Variants in IPO11 observed in about 807,000 individuals in gnomAD.
IPO11 encodes importin 11.
Under a neutral mutation model 143.2 loss-of-function variants are expected in IPO11, and 66 were observed. The observed-to-expected ratio is 0.46, with a 90% confidence interval of 0.38 to 0.57. IPO11 has a LOEUF of 0.57. Ranked by LOEUF, IPO11 falls within the 20% of genes least tolerant of loss-of-function variation. IPO11 has a pLI of 0.00. For synonymous variants in IPO11, 385 were observed against 377.8 expected (o/e 1.02, Z -0.22); for missense variants, 1,026 against 1,141.0 (o/e 0.90, Z 1.45).
chr5:62,456,603 C>T (rs766529598), intron 5 of IPO11, among the ~76,000 whole-genome samples: 7 of 152,296 alleles, frequency 4.6e-5, no homozygotes, highest in South Asian at 4.1e-4. Flanking sequence ...ACCACAGGCA[C>T]GTACGACGAT....
At chr5:62,602,668 G>A (rs916091654) in intron 29 of IPO11, among the ~76,000 whole-genome samples, 1 of 152,144 alleles carries the variant, frequency 6.6e-6, no homozygotes, top group Admixed American at 6.5e-5. Flanking sequence ...TAGCTCTCAA[G>A]GGCCTAATCC....
intron 11 of IPO11, among the ~76,000 whole-genome samples, chr5:62,485,035 GGA>G (rs1162379863): frequency 6.6e-6 from 1 of 151,904 alleles, no homozygotes. Flanking sequence ...AGAAATTTAT[GGA>G]GAGTGTGAGT....
chr5:62,449,194 C>G (rs914293320), intron 3 of IPO11, among the ~76,000 whole-genome samples: 2 of 152,150 alleles, frequency 1.3e-5, no homozygotes, highest in African/African-American at 2.4e-5. Flanking sequence ...GCCACTGTGC[C>G]TGGCCTTAAT....
rs116006853 is a variant in IPO11, at chr5:62,615,347, G to A, written c.2764-11807G>A. Among the ~76,000 whole-genome samples the A allele has an allele frequency of 4.4e-3, 667 of 152,286 alleles. 7 individuals carry two copies. The highest frequency in any genetic ancestry group is 0.015 in the African/African-American group (643 of 41,540). On this transcript the variant is annotated intron_variant, in intron 29 of 29. Transcript: ENST00000325324. ...GAAACCCTGAATTTAAGCCACCCAT[G>A]TTTTGTTGGTTTAGTTTTGAGTTTA...
At chr5:62,554,719 G>A (rs1338904105) in intron 26 of IPO11, among the ~76,000 whole-genome samples, 1 of 151,168 alleles carries the variant, frequency 6.6e-6, no homozygotes, top group African/African-American at 2.4e-5. Context: ...ACTTTTTTGG[G>A]GGGGTGGGGG....
chr5:62,448,595 G>A (rs187123359), intron 3 of IPO11, among the ~76,000 whole-genome samples: 119 of 152,268 alleles, frequency 7.8e-4, no homozygotes, highest in Non-Finnish European at 4.3e-4. Context: ...CCGTTGCCCA[G>A]GCTGGAATGC....
intron 22 of IPO11, among the ~76,000 whole-genome samples, chr5:62,535,084 G>T (rs1047266215): frequency 6.7e-6 from 1 of 150,040 alleles, no homozygotes; most frequent in Non-Finnish European, 1.5e-5. Context: ...AGAAAATTTT[G>T]TCAGTGCCAT....
intron 29 of IPO11, among the ~76,000 whole-genome samples, chr5:62,615,211 G>A (rs1370930226): frequency 6.6e-6 from 1 of 152,140 alleles, no homozygotes; most frequent in Non-Finnish European, 1.5e-5. Flanking sequence ...TGAGGCCTTT[G>A]CCAGGGAACT....
intron 5 of IPO11, 127 bp downstream of exon 5, chr5:62,452,060 A>G (rs571117703): frequency 1.7e-5 from 12 of 688,100 alleles, no homozygotes; most frequent in Non-Finnish European, 3.0e-5. Context: ...CCTGGCCAAT[A>G]TGGTGAAACC....
chr5:62,488,106 A>T (rs931716760), intron 13 of IPO11, among the ~76,000 whole-genome samples: 5 of 152,218 alleles, frequency 3.3e-5, no homozygotes, highest in African/African-American at 1.2e-4. Context: ...GCAAAACAGT[A>T]GTCATACTGC....
chr5:62,546,499 A>G (rs527541719), intron 24 of IPO11, among the ~76,000 whole-genome samples: 1 of 152,262 alleles, frequency 6.6e-6, no homozygotes, highest in East Asian at 1.9e-4. Context: ...CCTAATGTAA[A>G]TGACGAGCTA....
At chr5:62,472,386 C>A (rs1459919010) in intron 7 of IPO11, among the ~76,000 whole-genome samples, 1 of 151,994 alleles carries the variant, frequency 6.6e-6, no homozygotes, top group African/African-American at 2.4e-5. Context: ...CTTTGGCTTT[C>A]CCTTGAGAGT....
intron 27 of IPO11, among the ~76,000 whole-genome samples, chr5:62,583,114 A>G (rs933204742): frequency 6.6e-6 from 1 of 152,164 alleles, no homozygotes; most frequent in Non-Finnish European, 1.5e-5. Flanking sequence ...TTGTTTTGTT[A>G]TGGAAGAGCA....
chr5:62,443,593 T>A (rs2112145975), intron 3 of IPO11, among the ~76,000 whole-genome samples: 1 of 149,316 alleles, frequency 6.7e-6, no homozygotes, highest in South Asian at 2.1e-4. Flanking sequence ...AGAGACCCCA[T>A]CTCAAGAAAA....
chr5:62,523,912 T>A (rs531006600), intron 20 of IPO11, among the ~76,000 whole-genome samples: 1 of 150,216 alleles, frequency 6.7e-6, no homozygotes, highest in East Asian at 1.9e-4. Context: ...TATTTTTTTT[T>A]AAACTTTTCT....
intron 9 of IPO11, 101 bp downstream of exon 9, chr5:62,476,854 A>C: frequency 2.4e-6 from 3 of 1,249,706 alleles, no homozygotes; most frequent in South Asian, 1.9e-5. Context: ...CTTTAGTGTA[A>C]GGAAACCTAT....
chr5:62,593,315 C>A (rs1204735688), intron 28 of IPO11, among the ~76,000 whole-genome samples: 1 of 152,122 alleles, frequency 6.6e-6, no homozygotes, highest in African/African-American at 2.4e-5. Flanking sequence ...TAGAAATTAT[C>A]TAGTGCAGTC....
intron 28 of IPO11, among the ~76,000 whole-genome samples, chr5:62,593,496 C>T (rs1469181847): frequency 2.6e-5 from 4 of 151,798 alleles, no homozygotes; most frequent in Non-Finnish European, 4.4e-5. Context: ...CTAAAAATAA[C>T]AACAACAACA....
chr5:62,611,134 C>A (rs1280867706), intron 29 of IPO11, among the ~76,000 whole-genome samples: 7 of 152,172 alleles, frequency 4.6e-5, no homozygotes, highest in Admixed American at 4.6e-4. Flanking sequence ...AATTGTAAAC[C>A]AAACATAGCT....
Sources: gnomAD v4.1 joint callset for allele counts (sites outside exome capture counted in the v4.1 genomes callset) on GRCh38, gnomAD v4.1.1 for gene constraint, MANE v1.5 for transcripts, NCBI Gene and HGNC (gene_info 2026-07-23, HGNC 2026-07-21) for gene names.